TNS4: variants seen among roughly 807,000 people sequenced by gnomAD.
TNS4 encodes tensin-4.
TNS4 carries 46 observed loss-of-function variants against 70.4 expected under a neutral mutation model. The observed-to-expected ratio is 0.65, with a 90% CI of 0.52 to 0.84. The LOEUF (loss-of-function observed/expected upper bound fraction) is 0.84, where lower values mean the gene tolerates loss of function less well. TNS4 is among the 40% of genes least tolerant of loss of function. TNS4 has a pLI of 0.00. For missense variants in TNS4, 863 were observed against 907.0 expected (o/e 0.95, Z 0.62); for synonymous variants, 390 against 366.6 (o/e 1.06, Z -0.73).
At position 40,477,487 on chromosome 17, in the gene TNS4, G is replaced by C; in HGVS notation, c.*101C>G. ...CCAATCCCCCTAGTCCCATAGATTG[G>C]TCTGTCAATATGGCCACAAGCCACA... On this transcript the variant is annotated 3_prime_UTR_variant, in exon 13 of 13. Transcript: ENST00000254051. 6.7e-7 allele frequency: 1 copy of C among 1,502,578 alleles called. No homozygotes were observed. Among genetic ancestry groups the C allele is most frequent in the East Asian group, 2.3e-5 (1 of 44,100 alleles). 93.1% of individuals were successfully genotyped at this position (1,502,578 alleles called of 1,614,324 possible). A position where few individuals can be genotyped will look rare whatever the true frequency, so the allele number is the denominator to read the frequency against.
chr17:40,478,792 T>C, intron 10 of TNS4, 144 bp from the exon 11 acceptor site: 1 of 863,608 alleles, frequency 1.2e-6, no homozygotes, highest in Non-Finnish European at 1.8e-6. Flanking sequence ...GCTATGGCCT[T>C]TCCCACTGGG....
intron 1 of TNS4, 126 bp downstream of exon 1, chr17:40,501,408 A>C (rs2036214323): frequency 1.3e-5 from 2 of 148,162 alleles, no homozygotes; most frequent in Non-Finnish European, 1.5e-5. Context: ...AGATCGCGCC[A>C]CTGCACTCCA....
intron 6 of TNS4, among the ~76,000 whole-genome samples, chr17:40,483,824 G>A (rs903887746): frequency 1.3e-5 from 2 of 152,180 alleles, no homozygotes; most frequent in Non-Finnish European, 2.9e-5. Context: ...AGTAACTCTG[G>A]GAGCCTCCGT....
At chr17:40,500,813 C>T (rs1028309829) in intron 1 of TNS4, among the ~76,000 whole-genome samples, 2 of 152,058 alleles carry the variant, frequency 1.3e-5, no homozygotes, top group African/African-American at 2.4e-5. Context: ...CACCCAGACC[C>T]GGTGACGCAG....
At chr17:40,488,087 CTAT>C in intron 3 of TNS4, among the ~76,000 whole-genome samples, 1 of 152,216 alleles carries the variant, frequency 6.6e-6, no homozygotes, top group African/African-American at 2.4e-5. Flanking sequence ...GCTGTGAGGT[CTAT>C]AGAGAACTGA....
At position 40,488,975 on chromosome 17, in the gene TNS4, G is replaced by A. The variant is rs2036031640; in HGVS notation, c.440-6C>T. On this transcript the variant is annotated splice_region_variant and splice_polypyrimidine_tract_variant and intron_variant, in intron 2 of 12. Transcript: ENST00000254051. ...CACCTCGATGTACTTTATGTCTTTGGGGGAGAAAAGCAGAGCATTGGTGAA... is the reference window on the plus strand; with the variant it reads ...CACCTCGATGTACTTTATGTCTTTGAGGGAGAAAAGCAGAGCATTGGTGAA... The A allele has an allele frequency of 6.4e-7, 1 of 1,554,998 alleles. No homozygotes were observed. The highest frequency in any genetic ancestry group is 1.4e-5 in the African/African-American group (1 of 72,644).
chr17:40,484,638 C>G, intron 5 of TNS4, 29 bp from the exon 6 acceptor site: 1 of 1,609,234 alleles, frequency 6.2e-7, no homozygotes, highest in East Asian at 2.2e-5. Context: ...CAGAGATGGA[C>G]ACCGCCCCAC....
chr17:40,492,776 C>T (rs974003012), intron 2 of TNS4, among the ~76,000 whole-genome samples: 1 of 151,904 alleles, frequency 6.6e-6, no homozygotes, highest in African/African-American at 2.4e-5. Context: ...GTGGCTCATA[C>T]CTGTAATCCC....
In TNS4 at chr17:40,488,566, A is replaced by G. The variant is rs370765866; in HGVS notation, c.843T>C (p.Asp281=). The G allele has an allele frequency of 1.3e-6, 2 of 1,510,726 alleles. No homozygotes were observed. Among genetic ancestry groups the G allele is most frequent in the Non-Finnish European group, 1.8e-6 (2 of 1,129,498 alleles). The allele number at this position is 1,510,726 out of a possible 1,614,324, so 93.6% of individuals were successfully genotyped here. A position where few individuals can be genotyped will look rare whatever the true frequency, so the allele number is the denominator to read the frequency against. Residue 281 remains aspartate, a synonymous_variant, in exon 3 of 13, where the codon GAT becomes GAC. Coordinates refer to ENST00000254051, the MANE Select transcript of TNS4 (RefSeq NM_032865.6). ...CCTACCTTCCAAACATATAGCTGAC[A>G]TCAGACACTGGGCTGGCTGACAGCA... The part of the protein sequence containing the change: ...ISVLSASPVS[D]VSYMFGSSQS...
chr17:40,478,782 G>A (rs542650772), intron 10 of TNS4, 134 bp from the exon 11 acceptor site: 15 of 951,534 alleles, frequency 1.6e-5, no homozygotes, highest in South Asian at 1.3e-4. Context: ...CTTGAAGACC[G>A]CTATGGCCTT....
At position 40,479,770 on chromosome 17, in the gene TNS4, A is replaced by G; in HGVS notation, c.1814T>C (p.Ile605Thr). 1 of 1,613,994 alleles carries G rather than the reference A, an allele frequency of 6.2e-7. No homozygotes were observed. Among genetic ancestry groups the G allele is most frequent in the Non-Finnish European group, 8.5e-7 (1 of 1,180,010 alleles). ...LTGALAVQKA[I>T]STTFERDILP... ...GATGTCCCTCTCAAAGGTGGTGGAG[A>G]TGGCTTTCTGCACGGCCAGGGCTCC... is the stretch of plus-strand genomic sequence containing the variant. Residue 605 changes from isoleucine (I) to threonine (T), a missense_variant, in exon 10 of 13, where the codon ATC becomes ACC. By Grantham distance (89) the Ile-to-Thr change is moderately conservative. Coordinates refer to ENST00000254051, the MANE Select transcript of TNS4 (RefSeq NM_032865.6).
intron 5 of TNS4, 137 bp downstream of exon 5, chr17:40,484,784 T>C: frequency 7.3e-7 from 1 of 1,361,742 alleles, no homozygotes; most frequent in Non-Finnish European, 1.0e-6. Flanking sequence ...CGGGAGGTCA[T>C]GAGGTCAGCA....
intron 6 of TNS4, 130 bp downstream of exon 6, chr17:40,484,354 G>A (rs988075428): frequency 4.2e-5 from 58 of 1,377,946 alleles, no homozygotes; most frequent in African/African-American, 1.7e-4. Context: ...TGGGGTGGAC[G>A]CTTCTCCTAG....
rs772281766 is a variant in TNS4 at position 40,482,279 on chromosome 17, G to A, written c.1594+45C>T. 6.8e-6 allele frequency: 11 copies of A among 1,613,680 alleles called. No individual in the cohort carries two copies. The East Asian group carries it at 1.1e-4, about 16-fold the overall frequency. On this transcript the variant is annotated intron_variant, in intron 7 of 12. Coordinates refer to ENST00000254051, the MANE Select transcript of TNS4 (RefSeq NM_032865.6). ...CCCCTCAGCTCACAACGGAGACTTC[G>A]CTGGCCCCCCATCCCGGGGGAGCCT...
At chr17:40,480,054 G>A (rs1247167034) in intron 9 of TNS4, 1 of 594,408 alleles carries the variant, frequency 1.7e-6, no homozygotes, top group Non-Finnish European at 2.9e-6. Context: ...GCATCGCCCT[G>A]GCCCCTGGCC....
At position 40,488,605 on chromosome 17, in the gene TNS4, G is replaced by A; in HGVS notation, c.804C>T (p.Gly268=). The change falls in exon 3 of 13, where the codon GGC becomes GGT. Residue 268 remains glycine (G), a synonymous_variant. Transcript: ENST00000254051. ...KRLGGLAPQR[G]SRISVLSASP... is the part of the protein sequence containing the mutation. ...TGGCTGACAGCACAGAGATCCTGCT[G>A]CCCCGCTGTGGGGCCAGGCCTCCCA... 1 of 1,516,266 alleles carries A rather than the reference G, an allele frequency of 6.6e-7. No homozygotes were observed. The allele number at this position is 1,516,266 out of a possible 1,614,324, so 93.9% of individuals were successfully genotyped here.
In TNS4 at chr17:40,496,530, T is replaced by A. The variant is rs1188798999; in HGVS notation, c.-95-10A>T. 11 of 1,238,628 alleles carry A rather than the reference T, an allele frequency of 8.9e-6. No homozygotes were observed. Among genetic ancestry groups the A allele is most frequent in the Non-Finnish European group, 1.1e-5 (10 of 914,456 alleles). The allele number at this position is 1,238,628 out of a possible 1,614,324, so 76.7% of individuals were successfully genotyped here. A position where few individuals can be genotyped will look rare whatever the true frequency, so the allele number is the denominator to read the frequency against. The stretch of plus-strand genomic sequence containing the variant: ...CAGGAGCTCCCAGGATCTGAAAGAG[T>A]CCAAGAGTGGGAACGGAGTAATTTC... On this transcript the variant is annotated splice_polypyrimidine_tract_variant and intron_variant, in intron 1 of 12. Coordinates refer to ENST00000254051, the MANE Select transcript of TNS4 (RefSeq NM_032865.6).
Position 40,482,385 on chromosome 17 carries a change from G to C in TNS4, c.1533C>G (p.Phe511Leu). 1.9e-6 allele frequency: 3 copies of C among 1,614,128 alleles called. No homozygotes were observed. The South Asian group carries it at 3.3e-5, about 18-fold the overall frequency. Residue 511 changes from phenylalanine (F) to leucine (L), a missense_variant, in exon 7 of 13, where the codon TTC (phenylalanine) becomes TTG (leucine). Coordinates refer to ENST00000254051, the MANE Select transcript of TNS4 (RefSeq NM_032865.6). Reference sequence around the variant, plus strand: ...CTCCTTTGGCAGACGACTCGATGAGGAAGTGTCGGATGAGGTCATTGCTGT... The same window carrying C: ...CTCCTTTGGCAGACGACTCGATGAGCAAGTGTCGGATGAGGTCATTGCTGT... Reference protein sequence around the residue: ...GEDSNDLIRHFLIESSAKGVH... With the variant: ...GEDSNDLIRHLLIESSAKGVH...
intron 2 of TNS4, 139 bp downstream of exon 2, chr17:40,495,848 G>A: frequency 3.7e-6 from 3 of 803,506 alleles, no homozygotes; most frequent in Non-Finnish European, 5.7e-6. Context: ...ACAGAAAACA[G>A]AGGGGTTAGT....
Sources: allele counts gnomAD v4.1 joint callset (sites outside exome capture counted in the v4.1 genomes callset), GRCh38; gene constraint gnomAD v4.1.1; transcripts MANE v1.5; gene names NCBI Gene and HGNC (gene_info 2026-07-23, HGNC 2026-07-21).